DDR2: variants seen among roughly 807,000 people sequenced by gnomAD.
The protein encoded by DDR2 is discoidin domain receptor tyrosine kinase 2, also known as discoidin domain-containing receptor 2.
Under a neutral mutation model 94.9 loss-of-function variants are expected in DDR2, and 27 were observed. That is an observed-to-expected ratio of 0.28 (90% CI 0.21 to 0.39). The LOEUF is 0.39. Ranked by LOEUF, DDR2 falls within the 10% of genes least tolerant of loss-of-function variation. DDR2 has a pLI of 1.00. For synonymous variants in DDR2, 382 were observed against 377.2 expected (o/e 1.01, Z -0.15); for missense variants, 783 against 1,076.0 (o/e 0.73, Z 3.81).
chr1:162,775,926 A>C (rs1364167267), intron 15 of DDR2, 83 bp downstream of exon 15: 1 of 1,567,390 alleles, frequency 6.4e-7, no homozygotes, highest in African/African-American at 1.3e-5. Context: ...TGAGCCTTAA[A>C]GTGTATCAAT....
At chr1:162,656,833 G>GTTTTT (rs761726921) in intron 2 of DDR2, among the ~76,000 whole-genome samples, 4,167 of 65,306 alleles carry the variant, frequency 0.064, 1,238 homozygotes, top group Middle Eastern at 0.087. Context: ...TGCCACTGGA[G>GTTTTT]TTTTTTTTTT....
chr1:162,746,657 G>A (rs1662883458), intron 3 of DDR2, among the ~76,000 whole-genome samples: 2 of 152,210 alleles, frequency 1.3e-5, no homozygotes, highest in African/African-American at 4.8e-5. Flanking sequence ...TCTGAGAATG[G>A]ACAGCCTGCC....
chr1:162,759,488 G>A (rs1036024170), intron 7 of DDR2, among the ~76,000 whole-genome samples: 5 of 152,090 alleles, frequency 3.3e-5, no homozygotes, highest in African/African-American at 1.2e-4. Flanking sequence ...TATAAGAATA[G>A]GCAAGGTGCA....
intron 7 of DDR2, among the ~76,000 whole-genome samples, chr1:162,757,570 G>A (rs1282046054): frequency 6.6e-6 from 1 of 152,178 alleles, no homozygotes; most frequent in Non-Finnish European, 1.5e-5. Flanking sequence ...GGAGCAAGAA[G>A]TGGAGGAGGA....
At chr1:162,666,161 A>G (rs539318569) in intron 2 of DDR2, among the ~76,000 whole-genome samples, 3 of 152,196 alleles carry the variant, frequency 2.0e-5, no homozygotes, top group South Asian at 4.2e-4. Flanking sequence ...TTCTGACTCA[A>G]CCTCACAAGA....
chr1:162,650,516 A>G (rs969399663), intron 1 of DDR2, among the ~76,000 whole-genome samples: 1 of 152,076 alleles, frequency 6.6e-6, no homozygotes, highest in African/African-American at 2.4e-5. Context: ...GAATCGCTTG[A>G]ACCTGGGAGG....
At chr1:162,657,006 A>G (rs1413183505) in intron 2 of DDR2, among the ~76,000 whole-genome samples, 2 of 151,074 alleles carry the variant, frequency 1.3e-5, no homozygotes. Flanking sequence ...ACACGCCACC[A>G]CTTTGTATTT....
At chr1:162,714,423 C>T (rs1170001279) in intron 2 of DDR2, among the ~76,000 whole-genome samples, 4 of 152,060 alleles carry the variant, frequency 2.6e-5, no homozygotes, top group African/African-American at 9.7e-5. Flanking sequence ...ATTTTGGGCT[C>T]ATTTTTGTGA....
intron 2 of DDR2, among the ~76,000 whole-genome samples, chr1:162,709,280 A>C (rs1285592216): frequency 6.6e-6 from 1 of 152,192 alleles, no homozygotes; most frequent in Admixed American, 6.5e-5. Context: ...TGGTTTAAAG[A>C]AACCAGTTAT....
At chr1:162,675,564 G>A (rs1253635646) in intron 2 of DDR2, among the ~76,000 whole-genome samples, 2 of 152,154 alleles carry the variant, frequency 1.3e-5, no homozygotes, top group Non-Finnish European at 2.9e-5. Flanking sequence ...AATGTACCCA[G>A]CTCGAAGACT....
At chr1:162,774,443 T>G (rs1046136257) in intron 14 of DDR2, among the ~76,000 whole-genome samples, 1 of 152,190 alleles carries the variant, frequency 6.6e-6, no homozygotes, top group Non-Finnish European at 1.5e-5. Context: ...GTGATAGACT[T>G]CATTAAAAGT....
At chr1:162,714,849 A>G (rs1418974199) in intron 2 of DDR2, among the ~76,000 whole-genome samples, 1 of 152,232 alleles carries the variant, frequency 6.6e-6, no homozygotes, top group African/African-American at 2.4e-5. Context: ...GAATGAATGA[A>G]TGAAGGCCAA....
intron 1 of DDR2, among the ~76,000 whole-genome samples, chr1:162,643,086 G>A (rs1417922905): frequency 6.6e-6 from 1 of 152,058 alleles, no homozygotes; most frequent in East Asian, 1.9e-4. Flanking sequence ...AGTTTAAAGA[G>A]GATTGATGGT....
At chr1:162,716,557 T>C (rs1419315861) in intron 2 of DDR2, among the ~76,000 whole-genome samples, 1 of 152,190 alleles carries the variant, frequency 6.6e-6, no homozygotes. Flanking sequence ...TTTTATCTTA[T>C]CCAAATCAAT....
chr1:162,679,133 T>C (rs1024711434), intron 2 of DDR2, among the ~76,000 whole-genome samples: 18 of 152,122 alleles, frequency 1.2e-4, no homozygotes, highest in African/African-American at 4.3e-4. Flanking sequence ...CAGGTAATTT[T>C]GTCACCTGGG....
upstream of DDR2, among the ~76,000 whole-genome samples, chr1:162,630,963 A>G (rs111985508): frequency 2.2e-3 from 335 of 152,162 alleles, no homozygotes; most frequent in African/African-American, 7.7e-3. Context: ...AACTAACCCT[A>G]GTTCTAGTTT....
intron 12 of DDR2, 112 bp downstream of exon 12, chr1:162,770,624 T>G (rs1335427504): frequency 1.9e-6 from 2 of 1,031,984 alleles, no homozygotes; most frequent in Admixed American, 4.0e-5. Context: ...TCTGCTAACC[T>G]CCTGAGAAGT....
At chr1:162,656,403 C>T (rs992372) in intron 2 of DDR2, among the ~76,000 whole-genome samples, 126,232 of 151,682 alleles carry the variant, frequency 0.83, 53,175 homozygotes, top group Middle Eastern at 0.92. Context: ...GATTTCTTCT[C>T]CCTGTCAAGA....
chr1:162,656,819 C>T (rs1290832438), intron 2 of DDR2, among the ~76,000 whole-genome samples: 1 of 138,794 alleles, frequency 7.2e-6, no homozygotes, highest in African/African-American at 2.5e-5. Context: ...GTCTTTTCTT[C>T]CCCTGCCACT....
Sources: gnomAD v4.1 joint callset for allele counts (sites outside exome capture counted in the v4.1 genomes callset) on GRCh38, gnomAD v4.1.1 for gene constraint, MANE v1.5 for transcripts, NCBI Gene and HGNC (gene_info 2026-07-23, HGNC 2026-07-21) for gene names.